Variants in TENM4 observed in about 807,000 individuals in gnomAD.
TENM4 encodes teneurin-4.
TENM4 carries 82 observed loss-of-function variants against 243.3 expected under a neutral mutation model. The ratio of observed to expected loss-of-function variants is 0.34; its 90% CI spans 0.28 to 0.40. TENM4 has a LOEUF of 0.40. TENM4 is among the 10% of genes least tolerant of loss of function. The pLI, the probability that TENM4 is intolerant of heterozygous loss-of-function variation, is 1.00. For missense variants in TENM4, 3,138 were observed against 3,673.3 expected (o/e 0.85, Z 3.77); for synonymous variants, 1,412 against 1,456.3 (o/e 0.97, Z 0.69).
chr11:79,085,376 C>CAAA (rs36035068), intron 4 of TENM4, among the ~76,000 whole-genome samples: 34,706 of 78,784 alleles, frequency 0.44, 4,573 homozygotes, highest in East Asian at 0.59. Flanking sequence ...GACTCTGTCT[C>CAAA]AAAAAAAAAA....
At chr11:78,732,261 C>T (rs1855686987) in intron 21 of TENM4, 55 bp downstream of exon 21, 1 of 1,540,670 alleles carries the variant, frequency 6.5e-7, no homozygotes, top group Non-Finnish European at 8.8e-7. Flanking sequence ...AGATCCTCCT[C>T]CACCCCCAAA....
At chr11:79,006,210 C>T (rs1858481214) in intron 6 of TENM4, among the ~76,000 whole-genome samples, 1 of 152,076 alleles carries the variant, frequency 6.6e-6, no homozygotes, top group African/African-American at 2.4e-5. Flanking sequence ...CAGTACCTCC[C>T]TTTCTACCCC....
At chr11:79,362,154 A>C (rs1857600750) in intron 1 of TENM4, among the ~76,000 whole-genome samples, 1 of 152,228 alleles carries the variant, frequency 6.6e-6, no homozygotes, top group Admixed American at 6.5e-5. Flanking sequence ...TATAAGTAGC[A>C]AAAGAGATAC....
rs1858895040 is a variant in TENM4 at position 78,864,054 on chromosome 11, G to A, written c.1085-922C>T. Among the ~76,000 whole-genome samples, 6 of 152,254 alleles carry A rather than the reference G, an allele frequency of 3.9e-5. No homozygotes were observed. In the South Asian group the frequency reaches 1.2e-3, roughly 32 times the overall value. On this transcript the variant is annotated intron_variant, in intron 9 of 33. Transcript: ENST00000278550. ...TGTGGAAAGATAAGTATAACATGCA[G>A]AAGTGTATTTGATATACTACCTTTG...
intron 6 of TENM4, among the ~76,000 whole-genome samples, chr11:78,988,490 T>C (rs1857969600): frequency 6.6e-6 from 1 of 152,244 alleles, no homozygotes; most frequent in Non-Finnish European, 1.5e-5. Context: ...GCATAAGGCC[T>C]ATTTGAATTC....
At chr11:78,788,904 TAGAC>T (rs1425896893) in intron 15 of TENM4, among the ~76,000 whole-genome samples, 1 of 152,166 alleles carries the variant, frequency 6.6e-6, no homozygotes, top group East Asian at 1.9e-4. Flanking sequence ...CCCTCCCTGT[TAGAC>T]AGTGTAATCT....
intron 2 of TENM4, among the ~76,000 whole-genome samples, chr11:79,224,716 C>T (rs984116826): frequency 6.6e-6 from 1 of 152,054 alleles, no homozygotes; most frequent in African/African-American, 2.4e-5. Flanking sequence ...TTTGGGAGGC[C>T]GAGGCAGGTG....
At chr11:79,023,135 T>C (rs765832540) in intron 6 of TENM4, among the ~76,000 whole-genome samples, 1 of 152,222 alleles carries the variant, frequency 6.6e-6, no homozygotes, top group East Asian at 1.9e-4. Flanking sequence ...TATTCATCTA[T>C]TGAATGAATG....
At chr11:79,251,557 C>T (rs920937955) in intron 2 of TENM4, among the ~76,000 whole-genome samples, 5 of 152,074 alleles carry the variant, frequency 3.3e-5, no homozygotes, top group Non-Finnish European at 7.3e-5. Flanking sequence ...AGGGAAATCC[C>T]ACTGGAAAAA....
chr11:79,125,652 C>T (rs1565214150), intron 4 of TENM4, among the ~76,000 whole-genome samples: 1 of 152,146 alleles, frequency 6.6e-6, no homozygotes. Flanking sequence ...GCTTCCCCAT[C>T]CCCAGTAGTG....
chr11:78,974,787 A>G (rs1163819547), intron 6 of TENM4, among the ~76,000 whole-genome samples: 1 of 150,470 alleles, frequency 6.6e-6, no homozygotes, highest in African/African-American at 2.5e-5. Context: ...CCTGGGCTCA[A>G]GTGATTCCTG....
intron 4 of TENM4, among the ~76,000 whole-genome samples, chr11:79,089,954 A>AT (rs1318519410): frequency 1.3e-5 from 2 of 152,146 alleles, no homozygotes; most frequent in Admixed American, 6.5e-5. Context: ...GAGAGCCTCC[A>AT]TTTTTTTAGC....
intron 4 of TENM4, among the ~76,000 whole-genome samples, chr11:79,145,285 A>G (rs372129692): frequency 6.6e-5 from 10 of 152,146 alleles, no homozygotes; most frequent in African/African-American, 2.4e-4. Flanking sequence ...TCATAAATGA[A>G]TAGATTGATG....
intron 6 of TENM4, among the ~76,000 whole-genome samples, chr11:78,997,981 A>G (rs1247949817): frequency 6.6e-6 from 1 of 152,192 alleles, no homozygotes; most frequent in African/African-American, 2.4e-5. Flanking sequence ...CCATGTGAAC[A>G]CACAGTGAAA....
At chr11:79,132,277 C>T (rs563940455) in intron 4 of TENM4, among the ~76,000 whole-genome samples, 20 of 135,922 alleles carry the variant, frequency 1.5e-4, no homozygotes, top group African/African-American at 4.7e-4. Flanking sequence ...ACCTGGGAGG[C>T]GGAGCTTGCA....
At chr11:79,162,577 G>A (rs1862773863) in intron 3 of TENM4, among the ~76,000 whole-genome samples, 1 of 152,154 alleles carries the variant, frequency 6.6e-6, no homozygotes, top group South Asian at 2.1e-4. Flanking sequence ...TAGCTCCACC[G>A]GAATCCCAAA....
chr11:78,947,521 A>T (rs1857024614), intron 6 of TENM4, among the ~76,000 whole-genome samples: 1 of 152,342 alleles, frequency 6.6e-6, no homozygotes, highest in Non-Finnish European at 1.5e-5. Context: ...CTTTAAAAAG[A>T]GAAGTTTACC....
chr11:78,975,169 G>A lies in TENM4; in HGVS notation c.494-71646C>T, dbSNP rs557691620. 4.7e-5 allele frequency among the ~76,000 whole-genome samples: 7 copies of A among 150,266 alleles called. No individual in the cohort carries two copies. The East Asian group carries it at 1.2e-3, about 26-fold the overall frequency. On this transcript the variant is annotated intron_variant, in intron 6 of 33. Coordinates refer to ENST00000278550, the MANE Select transcript of TENM4 (RefSeq NM_001098816.3). ...GGAGAAAAGCTGTGAGGGAGGTATT[G>A]GGGTATGGGGGTAGGGTGGGTGGGG...
At chr11:79,010,859 C>T (rs1048226336) in intron 6 of TENM4, among the ~76,000 whole-genome samples, 2 of 152,118 alleles carry the variant, frequency 1.3e-5, no homozygotes, top group Admixed American at 6.5e-5. Context: ...GCAGAAAGCC[C>T]CTCTTTAGCA....
Sources: allele counts gnomAD v4.1 joint callset (sites outside exome capture counted in the v4.1 genomes callset), GRCh38; gene constraint gnomAD v4.1.1; transcripts MANE v1.5; gene names NCBI Gene and HGNC (gene_info 2026-07-23, HGNC 2026-07-21).